RUNDC1: variants seen among roughly 807,000 people sequenced by gnomAD.
RUNDC1 encodes the protein RUN domain-containing protein 1.
A neutral mutation model predicts 49.3 loss-of-function variants in RUNDC1; 31 were observed. The ratio of observed to expected loss-of-function variants is 0.63; its 90% CI spans 0.47 to 0.85. The LOEUF (loss-of-function observed/expected upper bound fraction) is 0.85, where lower values mean the gene tolerates loss of function less well. RUNDC1 is among the 40% of genes least tolerant of loss of function. RUNDC1 has a pLI of 0.00. For synonymous variants in RUNDC1, 347 were observed against 348.6 expected (o/e 1.00, Z 0.05); for missense variants, 715 against 806.7 (o/e 0.89, Z 1.38).
intron 1 of RUNDC1, 161 bp downstream of exon 1, chr17:42,981,235 A>G: frequency 1.1e-6 from 1 of 908,378 alleles, no homozygotes; most frequent in Non-Finnish European, 1.6e-6. Flanking sequence ...GGCCGGCTGA[A>G]GGGCAAGAGG....
At position 42,989,430 on chromosome 17, in the gene RUNDC1, A is replaced by G. The variant is rs1483026305; in HGVS notation, c.747A>G (p.Val249=). Residue 249 remains valine (V), a synonymous_variant, in exon 3 of 5, where the codon GTA becomes GTG. Coordinates refer to ENST00000361677, the MANE Select transcript of RUNDC1 (RefSeq NM_173079.5). ...SLSTEELRQR[V]DAAVAQIVNP... ...CCACTGAAGAGCTTCGTCAGCGTGT[A>G]GATGCAGCAGTGGCTCAGATCGTCA... The G allele has an allele frequency of 6.2e-7, 1 of 1,614,106 alleles. No individual in the cohort carries two copies. Among genetic ancestry groups the G allele is most frequent in the East Asian group, 2.2e-5 (1 of 44,870 alleles).
chr17:42,989,586 A>C (rs1567732022), intron 3 of RUNDC1, 47 bp downstream of exon 3: 1 of 1,531,098 alleles, frequency 6.5e-7, no homozygotes, highest in African/African-American at 1.4e-5. Flanking sequence ...TGTCATAATA[A>C]TTATACTTAT....
intron 1 of RUNDC1, among the ~76,000 whole-genome samples, chr17:42,982,790 A>C (rs1012566436): frequency 2.0e-5 from 3 of 148,430 alleles, no homozygotes; most frequent in African/African-American, 7.5e-5. Context: ...CCTGACCAAC[A>C]TGATGAAACC....
chr17:42,993,579 CAT>C lies in RUNDC1; in HGVS notation c.*1865_*1866del, dbSNP rs2151962562. On this transcript the variant is annotated 3_prime_UTR_variant, in exon 5 of 5. Transcript: ENST00000361677. Reference sequence around the variant, plus strand: ...ATACATATGTGGATGCTAATGAAATCATAGTATTTTGTGTAGCTTCTCTGAAG... The same window carrying C: ...ATACATATGTGGATGCTAATGAAATCAGTATTTTGTGTAGCTTCTCTGAAG... The C allele has an allele frequency of 6.6e-6, 1 of 152,256 alleles. No individual in the cohort carries two copies. The highest frequency in any genetic ancestry group is 1.9e-4 in the East Asian group (1 of 5,186). 9.4% of individuals were successfully genotyped at this position (152,256 alleles called of 1,614,324 possible).
In RUNDC1 at chr17:42,982,451, A is replaced by G. The variant is rs568211061; in HGVS notation, c.498+1377A>G. Among the ~76,000 whole-genome samples the G allele has an allele frequency of 5.3e-5, 8 of 152,200 alleles. No homozygotes were observed. In the South Asian group the frequency reaches 1.7e-3, roughly 32 times the overall value. ...TTTACTGTTCCACCCTTCTCCACAT[A>G]CCTGCAACTCCTTACACAAGGAGCA... On this transcript the variant is annotated intron_variant, in intron 1 of 4. Coordinates refer to ENST00000361677, the MANE Select transcript of RUNDC1 (RefSeq NM_173079.5).
At chr17:42,988,177 A>G (rs967324508) in intron 2 of RUNDC1, among the ~76,000 whole-genome samples, 1 of 152,006 alleles carries the variant, frequency 6.6e-6, no homozygotes, top group African/African-American at 2.4e-5. Flanking sequence ...GTAGAGATAC[A>G]GTTACAACCT....
chr17:42,992,076 A>G lies in RUNDC1; in HGVS notation c.*360A>G, dbSNP rs929300612. Reference sequence around the variant, plus strand: ...AAAAATACAAAAAAATTAGTCGGACATGGTGGCAGGCACCTGTAGTCCCAG... The same window carrying G: ...AAAAATACAAAAAAATTAGTCGGACGTGGTGGCAGGCACCTGTAGTCCCAG... On this transcript the variant is annotated 3_prime_UTR_variant, in exon 5 of 5. Coordinates refer to ENST00000361677, the MANE Select transcript of RUNDC1 (RefSeq NM_173079.5). 3 of 200,484 alleles carry G rather than the reference A, an allele frequency of 1.5e-5. No individual in the cohort carries two copies. Among genetic ancestry groups the G allele is most frequent in the Non-Finnish European group, 3.1e-5 (3 of 96,812 alleles). The allele number at this position is 200,484 out of a possible 1,614,324, so 12.4% of individuals were successfully genotyped here.
chr17:42,983,419 C>T (rs1221686791), intron 1 of RUNDC1, among the ~76,000 whole-genome samples: 5 of 144,836 alleles, frequency 3.5e-5, no homozygotes, highest in African/African-American at 1.3e-4. Flanking sequence ...ACTCTGTTGC[C>T]AGGCTAGAGT....
Position 42,991,466 on chromosome 17 carries a change from AG to A in RUNDC1, c.1593del (p.Lys531AsnfsTer8). 3 of 1,614,194 alleles carry A rather than the reference AG, an allele frequency of 1.9e-6. No individual in the cohort carries two copies. The highest frequency in any genetic ancestry group is 2.5e-6 in the Non-Finnish European group (3 of 1,180,030). Reference protein sequence around the residue: ...HMVLTEHDPFKRSADSELKAL... With the variant: ...HMVLTEHDPFXRSADSELKAL... Reference sequence around the variant, plus strand: ...GTGCTGACAGAGCATGACCCTTTTAAGCGCAGTGCAGACTCAGAATTGAAGG... The same window carrying A: ...GTGCTGACAGAGCATGACCCTTTTAACGCAGTGCAGACTCAGAATTGAAGG... On this transcript the variant is annotated frameshift_variant, in exon 5 of 5. Transcript: ENST00000361677. LOFTEE classifies it high-confidence loss of function.
chr17:42,988,028 AG>A (rs2050192478), intron 2 of RUNDC1, among the ~76,000 whole-genome samples: 1 of 152,194 alleles, frequency 6.6e-6, no homozygotes, highest in South Asian at 2.1e-4. Flanking sequence ...CTGGGATTAC[AG>A]GCGTGAGCCA....
Position 42,991,123 on chromosome 17 carries a change from G to C in RUNDC1, c.1249G>C (p.Gly417Arg). ...TSANLQDLSL[G>R]GKDELTMAVR... is the part of the protein sequence containing the mutation. ...TGCCAACCTCCAGGACCTCTCTCTG[G>C]GAGGCAAGGATGAGCTGACTATGGC... The change falls in exon 5 of 5, where the codon GGA becomes CGA. Residue 417 changes from glycine to arginine, a missense_variant. Coordinates refer to ENST00000361677, the MANE Select transcript of RUNDC1 (RefSeq NM_173079.5). 6.2e-7 allele frequency: 1 copy of C among 1,614,210 alleles called. No individual in the cohort carries two copies.
chr17:42,990,369 C>G lies in RUNDC1; in HGVS notation c.909C>G (p.Ala303=). ...GTGGTGGACACTGTGAGTGCAAGGC[C>G]GGTGGGAAGACAGGAAATGGCTGCA... The part of the protein sequence containing the change: ...QTGGGHCECK[A]GGKTGNGCSR... The change falls in exon 4 of 5, where the codon GCC becomes GCG. Residue 303 remains alanine, a synonymous_variant. Transcript: ENST00000361677. 6.2e-7 allele frequency: 1 copy of G among 1,614,014 alleles called. No individual in the cohort carries two copies. Among genetic ancestry groups the G allele is most frequent in the Non-Finnish European group, 8.5e-7 (1 of 1,180,024 alleles).
Position 42,990,337 on chromosome 17 carries a change from C to T in RUNDC1, c.877C>T (p.Gln293Ter). 1 of 1,614,008 alleles carries T rather than the reference C, an allele frequency of 6.2e-7. No homozygotes were observed. Among genetic ancestry groups the T allele is most frequent in the Non-Finnish European group, 8.5e-7 (1 of 1,179,970 alleles). ...FIQDEVGSPL[Q>*]TGGGHCECKA... ...TCCAGATGAAGTGGGAAGCCCCTTG[C>T]AGACAGGTGGTGGACACTGTGAGTG... Residue 293 changes from glutamine (Q) to a stop codon, truncating the protein, a stop_gained, in exon 4 of 5, where the codon CAG becomes TAG. Transcript: ENST00000361677. LOFTEE classifies it high-confidence loss of function.
Position 42,993,355 on chromosome 17 carries a change from C to G in RUNDC1, c.*1639C>G, listed in dbSNP as rs1181596555. On this transcript the variant is annotated 3_prime_UTR_variant, in exon 5 of 5. Coordinates refer to ENST00000361677, the MANE Select transcript of RUNDC1 (RefSeq NM_173079.5). ...CCAAAAATGGGCAAAATGTATCACT[C>G]CAAACACTACTGATTCAGCATTGTT... 6.6e-6 allele frequency: 1 copy of G among 152,156 alleles called. No homozygotes were observed. The highest frequency in any genetic ancestry group is 1.5e-5 in the Non-Finnish European group (1 of 68,030). 9.4% of individuals were successfully genotyped at this position (152,156 alleles called of 1,614,324 possible).
At chr17:42,986,417 C>A (rs959650619) in intron 1 of RUNDC1, among the ~76,000 whole-genome samples, 1 of 151,946 alleles carries the variant, frequency 6.6e-6, no homozygotes, top group African/African-American at 2.4e-5. Flanking sequence ...ACTCCTGGTG[C>A]GTTTGATTCT....
At chr17:42,988,782 C>T (rs776415929) in intron 2 of RUNDC1, among the ~76,000 whole-genome samples, 3 of 151,838 alleles carry the variant, frequency 2.0e-5, no homozygotes, top group Non-Finnish European at 4.4e-5. Flanking sequence ...AGTTTGAGGC[C>T]AGCCTGAGCA....
intron 1 of RUNDC1, chr17:42,985,646 T>G: frequency 1.9e-6 from 1 of 519,534 alleles, no homozygotes; most frequent in Non-Finnish European, 2.4e-6. Context: ...TACTTACTTC[T>G]TCAGGGCTTG....
At chr17:42,981,922 A>G (rs1043768827) in intron 1 of RUNDC1, 1 of 151,914 alleles carries the variant, frequency 6.6e-6, no homozygotes, top group Non-Finnish European at 1.5e-5. Context: ...GTTTCCTTAC[A>G]AGCTTTGCAT....
chr17:42,991,079 A>C lies in RUNDC1; in HGVS notation c.1205A>C (p.His402Pro), dbSNP rs1251340523. 1 of 1,614,206 alleles carries C rather than the reference A, an allele frequency of 6.2e-7. No homozygotes were observed. ...CAGCTAGCCTTGAGGCAGCAGCCAC[A>C]TGACCATGTCATCACCTCTGCCAAC... ...VKQLALRQQPHDHVITSANLQ... is the reference protein window; with the variant it reads ...VKQLALRQQPPDHVITSANLQ... Residue 402 changes from histidine to proline, a missense_variant, in exon 5 of 5, where the codon CAT becomes CCT. By Grantham distance (77) the His-to-Pro change is moderately conservative. Transcript: ENST00000361677.
Sources: gnomAD v4.1 joint callset for allele counts (sites outside exome capture counted in the v4.1 genomes callset) on GRCh38, gnomAD v4.1.1 for gene constraint, MANE v1.5 for transcripts, NCBI Gene and HGNC (gene_info 2026-07-23, HGNC 2026-07-21) for gene names.